Variants in PIK3C2G observed in about 807,000 individuals in gnomAD.
The protein encoded by PIK3C2G is phosphatidylinositol-4-phosphate 3-kinase catalytic subunit type 2 gamma, also known as phosphatidylinositol 3-kinase C2 domain-containing subunit gamma.
Under a neutral mutation model 181.1 loss-of-function variants are expected in PIK3C2G, and 168 were observed. The observed-to-expected ratio is 0.93, with a 90% confidence interval of 0.82 to 1.05. PIK3C2G has a LOEUF of 1.05. Ranked by LOEUF, PIK3C2G falls within the 50% of genes least tolerant of loss-of-function variation. PIK3C2G has a pLI of 0.00. For synonymous variants in PIK3C2G, 573 were observed against 592.2 expected (o/e 0.97, Z 0.47); for missense variants, 1,869 against 1,732.8 (o/e 1.08, Z -1.40).
At chr12:18,511,425 C>T (rs547210019) in intron 24 of PIK3C2G, among the ~76,000 whole-genome samples, 11 of 152,064 alleles carry the variant, frequency 7.2e-5, no homozygotes, top group Admixed American at 4.6e-4. Context: ...AATTGCTGTA[C>T]TAATTTATGT....
chr12:18,426,507 T>C (rs1458777200), intron 18 of PIK3C2G, among the ~76,000 whole-genome samples: 1 of 152,188 alleles, frequency 6.6e-6, no homozygotes. Context: ...TTCCTTTGTA[T>C]TGTTAACCTT....
chr12:18,333,594 T>C (rs2137556578), intron 8 of PIK3C2G, among the ~76,000 whole-genome samples: 1 of 152,286 alleles, frequency 6.6e-6, no homozygotes, highest in East Asian at 1.9e-4. Flanking sequence ...TCCAGCTTCA[T>C]CCATGTCCCT....
chr12:18,399,787 C>A lies in PIK3C2G; in HGVS notation c.2255C>A (p.Thr752Asn), dbSNP rs372806030. Residue 752 changes from threonine (T) to asparagine (N), a missense_variant, in exon 16 of 33, where the codon ACC becomes AAC. Coordinates refer to ENST00000538779, the MANE Select transcript of PIK3C2G (RefSeq NM_001288772.2). ...WDERTVSEMH[T>N]ILRRWTFSQP... ...GAAAGGACTGTTTCAGAAATGCATA[C>A]CATTTTGAGAAGATGGACATTTTCT... is the stretch of plus-strand genomic sequence containing the variant. 1 of 1,606,480 alleles carries A rather than the reference C, an allele frequency of 6.2e-7. No homozygotes were observed. The highest frequency in any genetic ancestry group is 1.3e-5 in the African/African-American group (1 of 74,940).
chr12:18,404,697 A>G (rs747474080), intron 16 of PIK3C2G, among the ~76,000 whole-genome samples: 23 of 152,280 alleles, frequency 1.5e-4, no homozygotes, highest in South Asian at 6.2e-4. Flanking sequence ...AGAGAATTGT[A>G]TCAGGAAACA....
At chr12:18,385,270 G>A (rs779314968) in intron 14 of PIK3C2G, among the ~76,000 whole-genome samples, 6 of 152,158 alleles carry the variant, frequency 3.9e-5, no homozygotes, top group Admixed American at 1.3e-4. Context: ...AGCCACTCCA[G>A]TATGACAAGG....
chr12:18,376,068 G>T (rs1942417855), intron 13 of PIK3C2G, among the ~76,000 whole-genome samples: 1 of 152,210 alleles, frequency 6.6e-6, no homozygotes, highest in Non-Finnish European at 1.5e-5. Context: ...TAATAGAAAA[G>T]TGTGGAGGAT....
rs918444376 is a variant in PIK3C2G, at chr12:18,376,784, T to C, written c.1881-4982T>C. Among the ~76,000 whole-genome samples, 4 of 152,082 alleles carry C rather than the reference T, an allele frequency of 2.6e-5. No homozygotes were observed. The East Asian group carries it at 5.8e-4, about 22-fold the overall frequency. ...TGAGTGGGTACTTGCAAGATCTGGTTGGTTGGCAGTGTGTGGCACATCTTC... is the reference window on the plus strand; with the variant it reads ...TGAGTGGGTACTTGCAAGATCTGGTCGGTTGGCAGTGTGTGGCACATCTTC... On this transcript the variant is annotated intron_variant, in intron 13 of 32. Coordinates refer to ENST00000538779, the MANE Select transcript of PIK3C2G (RefSeq NM_001288772.2).
intron 29 of PIK3C2G, among the ~76,000 whole-genome samples, chr12:18,588,252 G>A (rs1946894181): frequency 1.3e-5 from 2 of 152,002 alleles, no homozygotes; most frequent in Non-Finnish European, 2.9e-5. Flanking sequence ...TTGAGAAATG[G>A]GATCTAATTA....
chr12:18,605,435 C>G (rs1033725298), intron 30 of PIK3C2G, among the ~76,000 whole-genome samples: 1 of 152,104 alleles, frequency 6.6e-6, no homozygotes, highest in African/African-American at 2.4e-5. Context: ...GGATTCACAG[C>G]AGAATTCTAT....
At chr12:18,363,992 T>A (rs1264315625) in intron 12 of PIK3C2G, among the ~76,000 whole-genome samples, 2 of 152,194 alleles carry the variant, frequency 1.3e-5, no homozygotes, top group Non-Finnish European at 2.9e-5. Context: ...TTTTCTTTCA[T>A]AGAATCAACT....
At chr12:18,719,351 A>C in the PIK3C2G span, 152 of 749,112 alleles carry the variant, frequency 2.0e-4, no homozygotes, top group East Asian at 3.4e-4. Flanking sequence ...TTTATTGTGC[A>C]CTCTTGCCTA....
chr12:18,702,648 A>G, the PIK3C2G span, among the ~76,000 whole-genome samples: 1 of 152,048 alleles, frequency 6.6e-6, no homozygotes, highest in Admixed American at 6.6e-5. Flanking sequence ...CTGCAATCCC[A>G]TGTATCAAGA....
chr12:18,273,199 T>C (rs181212087), intron 1 of PIK3C2G, among the ~76,000 whole-genome samples: 241 of 152,274 alleles, frequency 1.6e-3, no homozygotes, highest in African/African-American at 5.5e-3. Context: ...AATGCATACA[T>C]TATTTTCCAG....
intron 31 of PIK3C2G, among the ~76,000 whole-genome samples, chr12:18,622,397 T>C (rs1218675693): frequency 2.0e-5 from 3 of 151,956 alleles, no homozygotes; most frequent in Non-Finnish European, 4.4e-5. Context: ...TTCTTTTCTT[T>C]TGAGGTTTAA....
At chr12:18,495,211 T>C (rs1052104729) in intron 20 of PIK3C2G, among the ~76,000 whole-genome samples, 2 of 152,096 alleles carry the variant, frequency 1.3e-5, no homozygotes, top group Non-Finnish European at 2.9e-5. Flanking sequence ...CTTTTTCCTT[T>C]CTTTATATTG....
intron 31 of PIK3C2G, among the ~76,000 whole-genome samples, chr12:18,623,562 T>C (rs1249821583): frequency 6.6e-6 from 1 of 151,778 alleles, no homozygotes; most frequent in Non-Finnish European, 1.5e-5. Flanking sequence ...CCTTTTTTTC[T>C]ATATCTATGA....
intron 8 of PIK3C2G, 110 bp downstream of exon 8, chr12:18,325,208 G>GA: frequency 2.3e-6 from 1 of 443,428 alleles, no homozygotes; most frequent in Non-Finnish European, 3.9e-6. Flanking sequence ...ATAAAACAGA[G>GA]GATCTACACT....
intron 18 of PIK3C2G, among the ~76,000 whole-genome samples, chr12:18,434,905 T>C (rs1372664048): frequency 6.6e-6 from 1 of 151,754 alleles, no homozygotes; most frequent in Middle Eastern, 3.4e-3. Context: ...TTAATAGACA[T>C]CCTCTAAAAA....
intron 24 of PIK3C2G, among the ~76,000 whole-genome samples, chr12:18,525,261 TG>T (rs1943159530): frequency 6.6e-6 from 1 of 151,756 alleles, no homozygotes; most frequent in Non-Finnish European, 1.5e-5. Flanking sequence ...GCATAGTGGC[TG>T]GCAACTGTAA....
Sources: gnomAD v4.1 joint callset for allele counts (sites outside exome capture counted in the v4.1 genomes callset) on GRCh38, gnomAD v4.1.1 for gene constraint, MANE v1.5 for transcripts, NCBI Gene and HGNC (gene_info 2026-07-23, HGNC 2026-07-21) for gene names.